NELL1: variants seen among roughly 807,000 people sequenced by gnomAD.
NELL1 encodes neural EGFL like 1.
In NELL1, 76 loss-of-function variants were observed where a neutral mutation model predicts 107.4. That is an observed-to-expected ratio of 0.71 (90% CI 0.59 to 0.86). The LOEUF is 0.86. NELL1 is among the 40% of genes least tolerant of loss of function. The probability of loss-of-function intolerance (pLI) is 0.00; values close to 1 mark genes in which losing one functional copy is unlikely to be tolerated. For synonymous variants in NELL1, 353 were observed against 341.2 expected, an observed-to-expected ratio of 1.03 and a Z score of -0.38; for missense variants, 1,024 against 1,005.5, an observed-to-expected ratio of 1.02 and a Z score of -0.25.
chr11:21,067,900 G>A (rs926828411), intron 12 of NELL1, among the ~76,000 whole-genome samples: 9 of 151,702 alleles, frequency 5.9e-5, no homozygotes, highest in Non-Finnish European at 1.2e-4. Flanking sequence ...GGGTGTGGTG[G>A]CACACACCTG....
In NELL1 at chr11:20,772,139, G is replaced by A. The variant is rs574273458; in HGVS notation, c.185-11541G>A. Among the ~76,000 whole-genome samples the A allele has an allele frequency of 3.9e-4, 59 of 152,240 alleles. 1 individual carries two copies. The highest frequency in any genetic ancestry group is 1.3e-3 in the African/African-American group (55 of 41,540). On this transcript the variant is annotated intron_variant, in intron 2 of 19. Coordinates refer to ENST00000357134, the MANE Select transcript of NELL1 (RefSeq NM_006157.5). The stretch of plus-strand genomic sequence containing the variant: ...TCTTTCATGCCTGAGAATTAGGACC[G>A]TGCACAAAAGGGAATGAATTATAAT...
At chr11:21,043,647 G>A (rs990055838) in intron 12 of NELL1, among the ~76,000 whole-genome samples, 1 of 152,168 alleles carries the variant, frequency 6.6e-6, no homozygotes, top group Non-Finnish European at 1.5e-5. Context: ...TCTATTGGAG[G>A]AGGCAATAGC....
At chr11:21,134,354 T>C (rs538885344) in intron 13 of NELL1, among the ~76,000 whole-genome samples, 1 of 152,082 alleles carries the variant, frequency 6.6e-6, no homozygotes, top group Non-Finnish European at 1.5e-5. Flanking sequence ...AGGAGAGTCT[T>C]CCTCAGTGGA....
chr11:20,804,772 A>T (rs1159772090), intron 3 of NELL1, among the ~76,000 whole-genome samples: 26 of 152,124 alleles, frequency 1.7e-4, no homozygotes, highest in Non-Finnish European at 4.4e-5. Context: ...TTTGGATGAA[A>T]TGTTCTGTAA....
At chr11:21,566,227 T>C (rs1054664115) in intron 17 of NELL1, among the ~76,000 whole-genome samples, 2 of 151,878 alleles carry the variant, frequency 1.3e-5, no homozygotes, top group African/African-American at 2.4e-5. Context: ...ATATTACTGT[T>C]TTACAGAAAT....
In NELL1 at chr11:21,174,666, T is replaced by C. The variant is rs1856676365; in HGVS notation, c.1427-54666T>C. On this transcript the variant is annotated intron_variant, in intron 13 of 19. Transcript: ENST00000357134. ...AGGAGGAGGAAGAAGTGATAATTCA[T>C]CCTGGTTTGAGACTGCTTTAGACCC... Among the ~76,000 whole-genome samples the C allele has an allele frequency of 1.3e-5, 2 of 151,736 alleles. 1 individual carries two copies. Among genetic ancestry groups the C allele is most frequent in the African/African-American group, 4.9e-5 (2 of 41,076 alleles).
At position 20,783,659 on chromosome 11, in the gene NELL1, G is replaced by A. The variant is rs746458920; in HGVS notation, c.185-21G>A. The A allele has an allele frequency of 6.9e-6, 11 of 1,597,560 alleles. No individual in the cohort carries two copies. The African/African-American group carries it at 1.1e-4, about 16-fold the overall frequency. ...CTCTTCTCCTCTCCTGTTTCCTCCTGCTTTTCTTCTTGATTCCTAGACATA... is the reference window on the plus strand; with the variant it reads ...CTCTTCTCCTCTCCTGTTTCCTCCTACTTTTCTTCTTGATTCCTAGACATA... On this transcript the variant is annotated intron_variant, in intron 2 of 19. Transcript: ENST00000357134.
At chr11:21,022,793 G>T (rs1412036857) in intron 12 of NELL1, among the ~76,000 whole-genome samples, 4 of 152,164 alleles carry the variant, frequency 2.6e-5, no homozygotes, top group East Asian at 3.9e-4. Context: ...TATCATAAGG[G>T]TTAAATTAGA....
chr11:21,088,589 A>G (rs1854452794), intron 12 of NELL1, among the ~76,000 whole-genome samples: 1 of 152,180 alleles, frequency 6.6e-6, no homozygotes, highest in South Asian at 2.1e-4. Context: ...TCTTAACTTT[A>G]CACACCATCT....
intron 12 of NELL1, among the ~76,000 whole-genome samples, chr11:21,027,464 A>G (rs1019822464): frequency 6.6e-6 from 1 of 151,170 alleles, no homozygotes; most frequent in African/African-American, 2.5e-5. Flanking sequence ...CCAAGCTGCC[A>G]GAATAAACAA....
At chr11:20,743,945 A>G (rs1186977378) in intron 2 of NELL1, among the ~76,000 whole-genome samples, 1 of 152,152 alleles carries the variant, frequency 6.6e-6, no homozygotes, top group African/African-American at 2.4e-5. Flanking sequence ...CTCACTAAAC[A>G]GCTCCATCAT....
chr11:21,021,276 G>T (rs1036136550), intron 12 of NELL1, among the ~76,000 whole-genome samples: 14 of 151,786 alleles, frequency 9.2e-5, no homozygotes, highest in Admixed American at 3.9e-4. Context: ...GCTTGATGGG[G>T]CTGGGGGTGG....
intron 15 of NELL1, among the ~76,000 whole-genome samples, chr11:21,459,523 G>C (rs891563405): frequency 3.3e-5 from 5 of 151,880 alleles, no homozygotes; most frequent in African/African-American, 7.2e-5. Flanking sequence ...CTGGGTCAGG[G>C]GCATAGTGAG....
At position 21,380,578 on chromosome 11, in the gene NELL1, T is replaced by TG. The variant is rs555870743; in HGVS notation, c.1645+9631dup. ...TTTCTTCTTTCTTGAATGACATCTC[T>TG]GCTAAAGATCCAGCATACTTCCCTT... is the stretch of plus-strand genomic sequence containing the variant. On this transcript the variant is annotated intron_variant, in intron 15 of 19. Coordinates refer to ENST00000357134, the MANE Select transcript of NELL1 (RefSeq NM_006157.5). Among the ~76,000 whole-genome samples the TG allele has an allele frequency of 2.9e-4, 44 of 152,186 alleles. No individual in the cohort carries two copies. The East Asian group carries it at 8.2e-3, about 28-fold the overall frequency.
intron 14 of NELL1, among the ~76,000 whole-genome samples, chr11:21,347,489 C>T (rs1337699786): frequency 6.6e-6 from 1 of 152,052 alleles, no homozygotes; most frequent in Non-Finnish European, 1.5e-5. Flanking sequence ...GTAATCCCAG[C>T]TACCTGGGAG....
At chr11:21,323,388 A>T (rs960610835) in intron 14 of NELL1, among the ~76,000 whole-genome samples, 1 of 152,154 alleles carries the variant, frequency 6.6e-6, no homozygotes, top group African/African-American at 2.4e-5. Context: ...AGGGGAGAAG[A>T]AAGTGGTCAT....
At chr11:21,018,278 A>G (rs1470777314) in intron 12 of NELL1, among the ~76,000 whole-genome samples, 2 of 152,174 alleles carry the variant, frequency 1.3e-5, no homozygotes, top group Non-Finnish European at 2.9e-5. Context: ...ATGAATGATC[A>G]AACACTTTAA....
At chr11:20,782,974 G>A (rs747216749) in intron 2 of NELL1, among the ~76,000 whole-genome samples, 3 of 152,204 alleles carry the variant, frequency 2.0e-5, no homozygotes, top group Non-Finnish European at 2.9e-5. Context: ...CTCTAGGCCT[G>A]CTGAATCGGC....
At chr11:21,203,034 C>G (rs961233267) in intron 13 of NELL1, among the ~76,000 whole-genome samples, 1 of 152,140 alleles carries the variant, frequency 6.6e-6, no homozygotes, top group Non-Finnish European at 1.5e-5. Flanking sequence ...GAGTGTTTTA[C>G]TTCCAGTTAT....
Sources: allele counts gnomAD v4.1 joint callset (sites outside exome capture counted in the v4.1 genomes callset), GRCh38; gene constraint gnomAD v4.1.1; transcripts MANE v1.5; gene names NCBI Gene and HGNC (gene_info 2026-07-23, HGNC 2026-07-21).